EFTUD2: variants seen among roughly 807,000 people sequenced by gnomAD.
EFTUD2 encodes elongation factor Tu GTP binding domain containing 2, also known as 116 kDa U5 small nuclear ribonucleoprotein component.
In EFTUD2, 9 loss-of-function variants were observed where a neutral mutation model predicts 114.3. The ratio of observed to expected loss-of-function variants is 0.08; its 90% CI spans 0.05 to 0.14. The LOEUF is 0.14. EFTUD2 is among the 10% of genes least tolerant of loss of function. The pLI is 1.00. For synonymous variants in EFTUD2, 449 were observed against 462.3 expected, an observed-to-expected ratio of 0.97 and a Z score of 0.37; for missense variants, 765 against 1,241.2, an observed-to-expected ratio of 0.62 and a Z score of 5.76.
intron 8 of EFTUD2, 104 bp downstream of exon 8, chr17:44,880,450 A>C: frequency 1.4e-6 from 1 of 739,728 alleles, no homozygotes; most frequent in Non-Finnish European, 2.3e-6. Flanking sequence ...AGGTGAGGGA[A>C]TGTAAAAACA....
chr17:44,894,080 A>G, intron 2 of EFTUD2: 2 of 208,078 alleles, frequency 9.6e-6, no homozygotes, highest in Non-Finnish European at 1.9e-5. Flanking sequence ...AAAAAAAAAA[A>G]AGAAAAAAGA....
At position 44,889,976 on chromosome 17, in the gene EFTUD2, T is replaced by TA. The variant is rs1194463674; in HGVS notation, c.106-3227dup. On this transcript the variant is annotated intron_variant, in intron 2 of 27. Coordinates refer to ENST00000426333, the MANE Select transcript of EFTUD2 (RefSeq NM_004247.4). ...GTCTAAACAAATAAAACTAAACAAA[T>TA]ATTCTTTTATCATTGCTTTTTCTAA... Among the ~76,000 whole-genome samples, 3 of 152,260 alleles carry TA rather than the reference T, an allele frequency of 2.0e-5. No homozygotes were observed. In the East Asian group the frequency reaches 5.8e-4, roughly 29 times the overall value.
chr17:44,883,276 G>C (rs1038438222), intron 5 of EFTUD2, 118 bp from the exon 6 acceptor site: 7 of 843,970 alleles, frequency 8.3e-6, no homozygotes, highest in Non-Finnish European at 1.3e-5. Context: ...GGAGAGCAAG[G>C]AGGGTTATGG....
chr17:44,876,017 C>A lies in EFTUD2; in HGVS notation c.786G>T (p.Arg262=). 6.2e-7 allele frequency: 1 copy of A among 1,614,052 alleles called. No individual in the cohort carries two copies. The highest frequency in any genetic ancestry group is 8.5e-7 in the Non-Finnish European group (1 of 1,179,986). The change falls in exon 10 of 28, where the codon CGG becomes CGT. Residue 262 remains arginine, a synonymous_variant. Coordinates refer to ENST00000426333, the MANE Select transcript of EFTUD2 (RefSeq NM_004247.4). The part of the protein sequence containing the change: ...AVTVCINKID[R]LILELKLPPT... ...GAGGCAGCTTCAGCTCCAGGATCAGCCGGTCAATCTTGTTGATGCACACAG... is the reference window on the plus strand; with the variant it reads ...GAGGCAGCTTCAGCTCCAGGATCAGACGGTCAATCTTGTTGATGCACACAG...
chr17:44,852,335 A>G, intron 26 of EFTUD2, 74 bp downstream of exon 26: 2 of 1,580,784 alleles, frequency 1.3e-6, no homozygotes, highest in Non-Finnish European at 1.7e-6. Flanking sequence ...GGGCTTGGAG[A>G]GGGATCAGGA....
At chr17:44,879,741 A>T in intron 8 of EFTUD2, 103 bp from the exon 9 acceptor site, 1 of 1,103,006 alleles carries the variant, frequency 9.1e-7, no homozygotes, top group South Asian at 1.3e-5. Context: ...GAACCTCCGA[A>T]TATCCCCTTT....
chr17:44,860,320 A>C (rs2050632810), intron 17 of EFTUD2, 112 bp downstream of exon 17: 1 of 847,102 alleles, frequency 1.2e-6, no homozygotes, highest in East Asian at 2.6e-5. Flanking sequence ...TAGAAGGCTA[A>C]GCCTGAAACC....
chr17:44,882,122 C>T (rs1339876237), intron 6 of EFTUD2, among the ~76,000 whole-genome samples: 2 of 152,020 alleles, frequency 1.3e-5, no homozygotes, highest in Non-Finnish European at 2.9e-5. Flanking sequence ...TCGGTAGACA[C>T]AGGGTTTCAT....
intron 20 of EFTUD2, among the ~76,000 whole-genome samples, chr17:44,856,130 C>CAA (rs1045415785): frequency 0.025 from 908 of 36,156 alleles, 45 homozygotes; most frequent in Middle Eastern, 0.038. Context: ...GACCCTGTCT[C>CAA]AAAAAAAAAA....
At chr17:44,883,269 G>A (rs1488401363) in intron 5 of EFTUD2, 111 bp from the exon 6 acceptor site, 2 of 911,962 alleles carry the variant, frequency 2.2e-6, no homozygotes, top group East Asian at 2.6e-5. Context: ...AGAAAAAGGA[G>A]AGCAAGGAGG....
At chr17:44,890,978 G>T (rs1001960604) in intron 2 of EFTUD2, among the ~76,000 whole-genome samples, 1 of 151,822 alleles carries the variant, frequency 6.6e-6, no homozygotes, top group East Asian at 1.9e-4. Context: ...TTACGGCGAG[G>T]GAAGGCTGGT....
At position 44,853,597 on chromosome 17, in the gene EFTUD2, C is replaced by T. The variant is rs1425875812; in HGVS notation, c.2386G>A (p.Val796Ile). ...CCCCGGTGCAGGGGCTCCTGGGCAA[C>T]CACCGCATCCAGGATCTTAAACTTG... ...NVKFKILDAV[V>I]AQEPLHRGGG... is the part of the protein sequence containing the mutation. Residue 796 changes from valine (V) to isoleucine (I), a missense_variant, in exon 24 of 28, where the codon GTT becomes ATT. This residue lies in a region of EFTUD2 where 166 missense variants were observed against 401.5 expected (regional missense o/e 0.41). Transcript: ENST00000426333. 1 of 1,614,210 alleles carries T rather than the reference C, an allele frequency of 6.2e-7. No individual in the cohort carries two copies. The highest frequency in any genetic ancestry group is 8.5e-7 in the Non-Finnish European group (1 of 1,180,034).
In EFTUD2 at chr17:44,885,265, T is replaced by C. The variant is rs2051146896; in HGVS notation, c.341A>G (p.Tyr114Cys). The C allele has an allele frequency of 1.9e-6, 3 of 1,613,202 alleles. No individual in the cohort carries two copies. Among genetic ancestry groups the C allele is most frequent in the Admixed American group, 3.3e-5 (2 of 59,962 alleles). Residue 114 changes from tyrosine to cysteine, a missense_variant, in exon 4 of 28, where the codon TAT becomes TGT. Transcript: ENST00000426333. ...LMEQTLPVTV[Y>C]EMDFLADLMD... is the part of the protein sequence containing the mutation. The stretch of plus-strand genomic sequence containing the variant: ...AAACCTTGTAACTTACTCCATCTCA[T>C]ACACCGTAACAGGTAATGTCTGCTC...
chr17:44,876,855 C>CA (rs58892812), intron 9 of EFTUD2, among the ~76,000 whole-genome samples: 1,306 of 48,172 alleles, frequency 0.027, 254 homozygotes, highest in African/African-American at 0.081. Context: ...GACTCCGTCT[C>CA]AAAAAAAAAA....
rs542550666 is a variant in EFTUD2 at position 44,854,259 on chromosome 17, G to A, written c.2347+10C>T. The A allele has an allele frequency of 6.2e-7, 1 of 1,610,496 alleles. No individual in the cohort carries two copies. On this transcript the variant is annotated intron_variant, in intron 23 of 27. Transcript: ENST00000426333. The surrounding 1 kb of genome is among the most constrained non-coding windows in gnomAD (Gnocchi z 4.3). ...CGAGGACTGGGGTGGGGGAGTGCTG[G>A]TGGACTTACATTCATCACAGAGGGG...
At position 44,856,816 on chromosome 17, in the gene EFTUD2, A is replaced by G. The variant is rs140926769; in HGVS notation, c.2045+259T>C. ...GTAAGATTTGGAGTAAACTTTTAAG[A>G]TAGTCATTTTATAGAGACAAAGTGG... On this transcript the variant is annotated intron_variant, in intron 20 of 27. Coordinates refer to ENST00000426333, the MANE Select transcript of EFTUD2 (RefSeq NM_004247.4). Among the ~76,000 whole-genome samples the G allele has an allele frequency of 2.4e-3, 358 of 152,198 alleles. 1 individual carries two copies. Among genetic ancestry groups the G allele is most frequent in the African/African-American group, 7.9e-3 (330 of 41,516 alleles).
intron 8 of EFTUD2, 28 bp downstream of exon 8, chr17:44,880,526 A>G: frequency 6.3e-7 from 1 of 1,586,510 alleles, no homozygotes; most frequent in Non-Finnish European, 8.7e-7. Flanking sequence ...ACAAGGTTCT[A>G]ATAATCAAAA....
chr17:44,868,100 G>A (rs2145488442), intron 12 of EFTUD2, among the ~76,000 whole-genome samples, 187 bp downstream of exon 12: 1 of 151,562 alleles, frequency 6.6e-6, no homozygotes, highest in Non-Finnish European at 1.5e-5. Flanking sequence ...AAGACTTCAG[G>A]AGAAACAGCT....
In EFTUD2 at chr17:44,883,181, C is replaced by T. The variant is rs202191611; in HGVS notation, c.427-23G>A. 10 of 1,613,106 alleles carry T rather than the reference C, an allele frequency of 6.2e-6. No homozygotes were observed. In the African/African-American group the frequency reaches 8.0e-5, roughly 13 times the overall value. ...TGTCTAAAAGGGAAGAAACAGTTAA[C>T]ATCTGCCGACCACAGAGGAAAATTT... On this transcript the variant is annotated intron_variant, in intron 5 of 27. Coordinates refer to ENST00000426333, the MANE Select transcript of EFTUD2 (RefSeq NM_004247.4).
Sources: gnomAD v4.1 joint callset for allele counts (sites outside exome capture counted in the v4.1 genomes callset) on GRCh38, gnomAD v4.1.1 for gene constraint, gnomAD v4.1.1 regional missense constraint, Gnocchi (gnomAD v3.1) non-coding constraint, MANE v1.5 for transcripts, NCBI Gene and HGNC (gene_info 2026-07-23, HGNC 2026-07-21) for gene names.